The following NTMT1 variants were observed in gnomAD, a reference collection of about 807,000 sequenced individuals.
NTMT1 encodes N-terminal RCC1 methyltransferase.
Under a neutral mutation model 17.5 loss-of-function variants are expected in NTMT1, and 8 were observed. The observed-to-expected ratio is 0.46, with a 90% CI of 0.27 to 0.82. The LOEUF is 0.82. NTMT1 is among the 40% of genes least tolerant of loss of function. The pLI, the probability that NTMT1 is intolerant of heterozygous loss-of-function variation, is 0.15. For missense variants in NTMT1, 221 were observed against 303.5 expected, an observed-to-expected ratio of 0.73 and a Z score of 2.02; for synonymous variants, 128 against 126.8, an observed-to-expected ratio of 1.01 and a Z score of -0.06.
chr9:129,625,446 A>C (rs962370432), upstream of NTMT1, among the ~76,000 whole-genome samples: 1 of 152,198 alleles, frequency 6.6e-6, no homozygotes, highest in Non-Finnish European at 1.5e-5. Flanking sequence ...TCGTTTTTAG[A>C]AGTCCAGCCT....
upstream of NTMT1, among the ~76,000 whole-genome samples, chr9:129,623,533 C>T (rs1564342411): frequency 6.6e-6 from 1 of 152,092 alleles, no homozygotes; most frequent in Non-Finnish European, 1.5e-5. Flanking sequence ...GGGTGGGAGA[C>T]AGAGGTCATT....
At chr9:129,630,430 A>G (rs1474707579) in intron 1 of NTMT1, among the ~76,000 whole-genome samples, 2 of 151,394 alleles carry the variant, frequency 1.3e-5, no homozygotes, top group South Asian at 4.2e-4. Context: ...GACCCTTTCT[A>G]AAAAAAAAGA....
At position 129,634,239 on chromosome 9, in the gene NTMT1, T is replaced by C; in HGVS notation, c.348T>C (p.Cys116=). ...GCAAGAGGGTGAGGAACTACTTCTGTTGTGGGCTCCAGGACTTCACCCCGG... is the reference window on the plus strand; with the variant it reads ...GCAAGAGGGTGAGGAACTACTTCTGCTGTGGGCTCCAGGACTTCACCCCGG... ...EEGKRVRNYF[C]CGLQDFTPEP... Residue 116 remains cysteine, a synonymous_variant, in exon 3 of 4, where the codon TGT becomes TGC. Coordinates refer to ENST00000372483, the MANE Select transcript of NTMT1 (RefSeq NM_014064.4). The C allele has an allele frequency of 6.2e-7, 1 of 1,614,032 alleles. No homozygotes were observed. Among genetic ancestry groups the C allele is most frequent in the South Asian group, 1.1e-5 (1 of 91,088 alleles).
At chr9:129,615,399 A>G in intron 1 of NTMT1, 3 of 1,395,210 alleles carry the variant, frequency 2.2e-6, no homozygotes, top group East Asian at 2.6e-5. Context: ...CCAGTCCCTC[A>G]CTCTAGGGGC....
rs548738466 is a variant in NTMT1 at position 129,620,155 on chromosome 9, G to T, written c.-55+10977G>T. ...TGGGGAGGAGCTCTCCTAGGAAGGC[G>T]CCCAAGAAGTCGGGGTCCTCCCTGG... On this transcript the variant is annotated intron_variant, in intron 1 of 3. Coordinates refer to the NTMT1 transcript ENST00000372486. This position sits in a 1 kb window ranked among gnomAD's most constrained non-coding sequence, Gnocchi z 5.8. 1.6e-4 allele frequency: 241 copies of T among 1,462,376 alleles called. 2 individuals carry two copies. In the South Asian group the frequency reaches 3.2e-3, roughly 20 times the overall value. The allele number at this position is 1,462,376 out of a possible 1,614,324, so 90.6% of individuals were successfully genotyped here.
At chr9:129,610,385 G>T (rs1028353379) in intron 1 of NTMT1, among the ~76,000 whole-genome samples, 9 of 151,882 alleles carry the variant, frequency 5.9e-5, no homozygotes, top group African/African-American at 2.2e-4. Flanking sequence ...CGCCCCGGGG[G>T]CTCCACGCGG....
chr9:129,611,370 C>A (rs1439898962), intron 1 of NTMT1, among the ~76,000 whole-genome samples: 1 of 152,248 alleles, frequency 6.6e-6, no homozygotes, highest in African/African-American at 2.4e-5. Context: ...AGGGGCAAAC[C>A]TGGTGGGCAG....
chr9:129,612,481 C>T, intron 1 of NTMT1: 1 of 1,590,064 alleles, frequency 6.3e-7, no homozygotes, highest in Non-Finnish European at 8.6e-7. Context: ...GACCAGCTGG[C>T]TGCTACCAGG....
chr9:129,615,572 G>A (rs1180323214), intron 1 of NTMT1: 7 of 1,609,354 alleles, frequency 4.3e-6, no homozygotes, highest in Non-Finnish European at 5.9e-6. Context: ...GCTGCCTGCA[G>A]GGCCTAGAGC....
chr9:129,612,564 C>T (rs1830143769), intron 1 of NTMT1: 2 of 784,398 alleles, frequency 2.5e-6, no homozygotes, highest in Non-Finnish European at 4.2e-6. Flanking sequence ...GTGCTGTCAG[C>T]CCCATTTTAA....
chr9:129,620,054 CGCGGGGCCT>C lies in NTMT1; in HGVS notation c.-55+10877_-55+10885del. 1 of 1,454,098 alleles carries C rather than the reference CGCGGGGCCT, an allele frequency of 6.9e-7. No individual in the cohort carries two copies. The highest frequency in any genetic ancestry group is 2.5e-5 in the East Asian group (1 of 40,062). The allele number at this position is 1,454,098 out of a possible 1,614,324, so 90.1% of individuals were successfully genotyped here. A position where few individuals can be genotyped will look rare whatever the true frequency, so the allele number is the denominator to read the frequency against. On this transcript the variant is annotated intron_variant, in intron 1 of 3. Coordinates refer to the NTMT1 transcript ENST00000372486. The surrounding 1 kb of genome is among the most constrained non-coding windows in gnomAD (Gnocchi z 5.8). ...TGACTCGGGCCCGCCCCCCGGGCCC[CGCGGGGCCT>C]CACTCAGTGGCTCCGGCTCCTCGGC...
chr9:129,631,545 A>G (rs1831165100), intron 1 of NTMT1, among the ~76,000 whole-genome samples: 1 of 152,070 alleles, frequency 6.6e-6, no homozygotes, highest in South Asian at 2.1e-4. Flanking sequence ...TCCCCCTGCC[A>G]TCTCCACCGC....
Position 129,620,763 on chromosome 9 carries a change from C to T in NTMT1, c.-55+11585C>T, listed in dbSNP as rs901628668. 3 of 467,460 alleles carry T rather than the reference C, an allele frequency of 6.4e-6. No individual in the cohort carries two copies. Among genetic ancestry groups the T allele is most frequent in the Non-Finnish European group, 1.0e-5 (3 of 290,642 alleles). 29.0% of individuals were successfully genotyped at this position (467,460 alleles called of 1,614,324 possible). On this transcript the variant is annotated intron_variant, in intron 1 of 3. Transcript: ENST00000372486. This position sits in a 1 kb window ranked among gnomAD's most constrained non-coding sequence, Gnocchi z 5.8. ...CGAGAGCTCCCAGAGCCTCTGTTTC[C>T]TCACCTGAAAAATGGTGACAGCAAG... is the stretch of plus-strand genomic sequence containing the variant.
chr9:129,622,196 G>A (rs559230068), upstream of NTMT1, among the ~76,000 whole-genome samples: 457 of 152,296 alleles, frequency 3.0e-3, 2 homozygotes, highest in Middle Eastern at 6.8e-3. Context: ...AATGGACCTA[G>A]AAATGAACAG....
At chr9:129,615,272 A>G (rs1324223491) in intron 1 of NTMT1, among the ~76,000 whole-genome samples, 1 of 152,060 alleles carries the variant, frequency 6.6e-6, no homozygotes, top group African/African-American at 2.4e-5. Flanking sequence ...GCGTTGGAAC[A>G]CCTCCACTGG....
upstream of NTMT1, among the ~76,000 whole-genome samples, chr9:129,624,732 C>G (rs142748256): frequency 1.8e-3 from 270 of 152,312 alleles, no homozygotes; most frequent in African/African-American, 6.2e-3. Flanking sequence ...TAGGTTCAGG[C>G]TATTCTCCTG....
In NTMT1 at chr9:129,613,686, C is replaced by A; in HGVS notation, c.-55+4508C>A. The A allele has an allele frequency of 1.3e-6, 2 of 1,519,186 alleles. No individual in the cohort carries two copies. Among genetic ancestry groups the A allele is most frequent in the Middle Eastern group, 1.9e-4 (1 of 5,350 alleles). The allele number at this position is 1,519,186 out of a possible 1,614,324, so 94.1% of individuals were successfully genotyped here. The stretch of plus-strand genomic sequence containing the variant: ...TTTTCCTCCCTCTGGCAGGCAGGGC[C>A]GGTCAGAGCCCTGTCTCCATGGCAA... On this transcript the variant is annotated intron_variant, in intron 1 of 3. Coordinates refer to the NTMT1 transcript ENST00000372486. This position sits in a 1 kb window ranked among gnomAD's most constrained non-coding sequence, Gnocchi z 6.2.
chr9:129,627,543 A>G (rs1256789891), intron 1 of NTMT1, among the ~76,000 whole-genome samples: 1 of 152,194 alleles, frequency 6.6e-6, no homozygotes, highest in Non-Finnish European at 1.5e-5. Context: ...TAAAGTCGGT[A>G]TTACTGTTCC....
chr9:129,620,024 G>A lies in NTMT1; in HGVS notation c.-55+10846G>A. 6 of 1,456,976 alleles carry A rather than the reference G, an allele frequency of 4.1e-6. No homozygotes were observed. Among genetic ancestry groups the A allele is most frequent in the Middle Eastern group, 4.2e-4 (2 of 4,798 alleles). 90.3% of individuals were successfully genotyped at this position (1,456,976 alleles called of 1,614,324 possible). ...GGGACACAAGGGACCACCCCCCACC[G>A]GAAATGACTCGGGCCCGCCCCCCGG... is the stretch of plus-strand genomic sequence containing the variant. On this transcript the variant is annotated intron_variant, in intron 1 of 3. Coordinates refer to the NTMT1 transcript ENST00000372486. The surrounding 1 kb of genome is among the most constrained non-coding windows in gnomAD (Gnocchi z 5.8).
Sources: gnomAD v4.1 joint callset for allele counts (sites outside exome capture counted in the v4.1 genomes callset) on GRCh38, gnomAD v4.1.1 for gene constraint, Gnocchi (gnomAD v3.1) non-coding constraint, MANE v1.5 for transcripts, NCBI Gene and HGNC (gene_info 2026-07-23, HGNC 2026-07-21) for gene names.